The following RPTOR variants were observed in gnomAD, a reference collection of about 807,000 sequenced individuals.
RPTOR encodes the protein regulatory associated protein of MTOR complex 1, also known as regulatory-associated protein of mTOR.
In RPTOR, 21 loss-of-function variants were observed where a neutral mutation model predicts 169.9. The observed-to-expected ratio is 0.12, with a 90% CI of 0.09 to 0.18. RPTOR has a LOEUF of 0.18. Ranked by LOEUF, RPTOR falls within the 10% of genes least tolerant of loss-of-function variation. The pLI is 1.00. For missense variants in RPTOR, 1,133 were observed against 1,855.9 expected (o/e 0.61, Z 7.16); for synonymous variants, 732 against 753.2 (o/e 0.97, Z 0.46).
chr17:80,877,777 C>A (rs952480631), intron 13 of RPTOR, among the ~76,000 whole-genome samples: 3 of 152,182 alleles, frequency 2.0e-5, no homozygotes, highest in Non-Finnish European at 4.4e-5. Context: ...TTGAAAACTG[C>A]CTGCTTAATT....
intron 6 of RPTOR, among the ~76,000 whole-genome samples, chr17:80,789,609 A>C (rs1412013064): frequency 6.6e-6 from 1 of 152,178 alleles, no homozygotes; most frequent in African/African-American, 2.4e-5. Context: ...CCTTCTTCCT[A>C]GGGCTTTTGC....
chr17:80,576,813 C>G (rs2064967866), intron 1 of RPTOR, among the ~76,000 whole-genome samples: 1 of 152,186 alleles, frequency 6.6e-6, no homozygotes, highest in South Asian at 2.1e-4. Flanking sequence ...AAGCCATCCT[C>G]CCAACTCAGA....
chr17:80,856,695 C>A (rs1263780731), intron 12 of RPTOR, among the ~76,000 whole-genome samples: 3 of 152,152 alleles, frequency 2.0e-5, no homozygotes, highest in Non-Finnish European at 2.9e-5. Flanking sequence ...CTTAGTCATC[C>A]TGGAAAGGCC....
intron 1 of RPTOR, among the ~76,000 whole-genome samples, chr17:80,587,495 C>T (rs549274018): frequency 1.3e-5 from 2 of 151,978 alleles, no homozygotes; most frequent in African/African-American, 4.8e-5. Context: ...TGTGGATTTT[C>T]GGGAGGTAGT....
At chr17:80,586,840 G>A (rs2065064523) in intron 1 of RPTOR, among the ~76,000 whole-genome samples, 1 of 150,360 alleles carries the variant, frequency 6.7e-6, no homozygotes, top group Non-Finnish European at 1.5e-5. Context: ...TGTTTCTCAT[G>A]GCCTTTCTCG....
intron 21 of RPTOR, 26 bp downstream of exon 21, chr17:80,908,955 G>C: frequency 6.7e-7 from 1 of 1,499,646 alleles, no homozygotes; most frequent in South Asian, 1.1e-5. Flanking sequence ...TCCCCACCGC[G>C]CTCCAGCTGC....
chr17:80,625,658 A>G (rs1567825771), intron 1 of RPTOR, 33 bp from the exon 2 acceptor site: 1 of 1,452,758 alleles, frequency 6.9e-7, no homozygotes. Context: ...CCATATTGAA[A>G]TATTTATTTA....
intron 13 of RPTOR, among the ~76,000 whole-genome samples, chr17:80,864,790 GA>G (rs1707291726): frequency 6.6e-6 from 1 of 152,112 alleles, no homozygotes; most frequent in Non-Finnish European, 1.5e-5. Flanking sequence ...ATTGTTTTAA[GA>G]AAAATAATAA....
At chr17:80,713,781 G>C (rs148868903) in intron 4 of RPTOR, among the ~76,000 whole-genome samples, 4 of 152,184 alleles carry the variant, frequency 2.6e-5, no homozygotes, top group South Asian at 4.2e-4. Flanking sequence ...CTGAGTGTGC[G>C]TGCGCTTAAT....
At chr17:80,875,503 T>A (rs907671423) in intron 13 of RPTOR, among the ~76,000 whole-genome samples, 7 of 152,224 alleles carry the variant, frequency 4.6e-5, no homozygotes, top group Admixed American at 3.3e-4. Flanking sequence ...GTCATGTTCA[T>A]GCTCTTCCCA....
chr17:80,964,070 G>A (rs914991530), intron 33 of RPTOR, among the ~76,000 whole-genome samples, 192 bp from the exon 34 acceptor site: 10 of 152,286 alleles, frequency 6.6e-5, no homozygotes, highest in African/African-American at 2.2e-4. Flanking sequence ...CGCCCCTCAC[G>A]GAGTGCACCA....
At chr17:80,824,489 A>G (rs563263125) in intron 9 of RPTOR, among the ~76,000 whole-genome samples, 6 of 152,246 alleles carry the variant, frequency 3.9e-5, no homozygotes, top group Non-Finnish European at 8.8e-5. Context: ...CATTTTTGAA[A>G]GAGTATATTC....
At chr17:80,649,393 C>T (rs915176002) in intron 3 of RPTOR, among the ~76,000 whole-genome samples, 6 of 152,150 alleles carry the variant, frequency 3.9e-5, no homozygotes, top group African/African-American at 1.4e-4. Context: ...TCATCCATCC[C>T]GTCTTGCTGT....
chr17:80,910,718 A>G (rs1241180768), intron 21 of RPTOR, among the ~76,000 whole-genome samples: 1 of 152,010 alleles, frequency 6.6e-6, no homozygotes, highest in Non-Finnish European at 1.5e-5. Flanking sequence ...GCAGCTCCTC[A>G]GCTCCTTTTG....
chr17:80,671,864 G>A (rs542918072), intron 3 of RPTOR, among the ~76,000 whole-genome samples: 88 of 152,316 alleles, frequency 5.8e-4, no homozygotes, highest in Middle Eastern at 3.4e-3. Context: ...AAAGATGACC[G>A]TGGAATTTTT....
At chr17:80,645,766 T>C (rs999820593) in intron 3 of RPTOR, among the ~76,000 whole-genome samples, 2 of 152,204 alleles carry the variant, frequency 1.3e-5, no homozygotes, top group Non-Finnish European at 1.5e-5. Flanking sequence ...GACCTTTACA[T>C]GTAGGTCAGT....
rs1015850261 is a variant in RPTOR, at chr17:80,965,895, G to A, written c.*1565G>A. 1.2e-4 allele frequency: 28 copies of A among 233,360 alleles called. 1 individual carries two copies. Among genetic ancestry groups the A allele is most frequent in the African/African-American group, 2.4e-4 (11 of 45,458 alleles). 14.5% of individuals were successfully genotyped at this position (233,360 alleles called of 1,614,324 possible). A position where few individuals can be genotyped will look rare whatever the true frequency, so the allele number is the denominator to read the frequency against. ...CGAATCCCATCCCCACGTCTGGGCC[G>A]AGAAAGCAGCCCGGGTCCGGAAGGT... is the stretch of plus-strand genomic sequence containing the variant. On this transcript the variant is annotated 3_prime_UTR_variant, in exon 34 of 34. Coordinates refer to ENST00000306801, the MANE Select transcript of RPTOR (RefSeq NM_020761.3).
At chr17:80,686,335 C>T (rs1353125061) in intron 3 of RPTOR, among the ~76,000 whole-genome samples, 4 of 150,364 alleles carry the variant, frequency 2.7e-5, no homozygotes, top group South Asian at 2.1e-4. Flanking sequence ...TACAGGCGCC[C>T]GCCACCACGC....
intron 1 of RPTOR, among the ~76,000 whole-genome samples, chr17:80,615,430 A>G (rs1390476788): frequency 2.0e-5 from 3 of 152,160 alleles, no homozygotes; most frequent in African/African-American, 7.2e-5. Flanking sequence ...TTTTTTCCCC[A>G]CCTTAGTAAG....
Sources: allele counts gnomAD v4.1 joint callset (sites outside exome capture counted in the v4.1 genomes callset), GRCh38; gene constraint gnomAD v4.1.1; transcripts MANE v1.5; gene names NCBI Gene and HGNC (gene_info 2026-07-23, HGNC 2026-07-21).